The following ENAH variants were observed in gnomAD, a reference collection of about 807,000 sequenced individuals.
ENAH encodes ENAH actin regulator, also known as protein enabled homolog.
ENAH carries 23 observed loss-of-function variants against 78.7 expected under a neutral mutation model. That is an observed-to-expected ratio of 0.29 (90% CI 0.21 to 0.41). ENAH has a LOEUF of 0.41. Ranked by LOEUF, ENAH falls within the 10% of genes least tolerant of loss-of-function variation. The pLI is 1.00. For synonymous variants in ENAH, 226 were observed against 241.0 expected, an observed-to-expected ratio of 0.94 and a Z score of 0.58; for missense variants, 544 against 691.0, an observed-to-expected ratio of 0.79 and a Z score of 2.39.
chr1:225,513,424 G>C (rs549430648), intron 7 of ENAH, among the ~76,000 whole-genome samples: 2 of 151,960 alleles, frequency 1.3e-5, no homozygotes, highest in Middle Eastern at 6.8e-3. Flanking sequence ...TTGAGGAACT[G>C]TCATAAAGTA....
chr1:225,650,848 TAAAAAA>T (rs746549168), intron 1 of ENAH, among the ~76,000 whole-genome samples: 39 of 58,934 alleles, frequency 6.6e-4, no homozygotes, highest in African/African-American at 2.4e-3. Flanking sequence ...AGACTGCATT[TAAAAAA>T]AAAAAAAAAA....
chr1:225,557,334 T>C (rs2096672062), intron 2 of ENAH, among the ~76,000 whole-genome samples: 1 of 152,134 alleles, frequency 6.6e-6, no homozygotes, highest in Non-Finnish European at 1.5e-5. Flanking sequence ...TACATTAAGG[T>C]TTTTTCCTCT....
chr1:225,564,136 G>A lies in ENAH; in HGVS notation c.171+3113C>T, dbSNP rs185077902. 5.0e-3 allele frequency among the ~76,000 whole-genome samples: 762 copies of A among 151,184 alleles called. 32 individuals are homozygous for A. Among genetic ancestry groups the A allele is most frequent in the Admixed American group, 0.048 (721 of 15,148 alleles). ...AAGTTTTTTTTGTTTGTTTTTTTGA[G>A]ACATGGTCTTGTTCTGTCTCCCAGG... On this transcript the variant is annotated intron_variant, in intron 2 of 13. Transcript: ENST00000366843.
At chr1:225,646,288 T>A (rs557501388) in intron 1 of ENAH, among the ~76,000 whole-genome samples, 1 of 152,146 alleles carries the variant, frequency 6.6e-6, no homozygotes, top group Admixed American at 6.6e-5. Context: ...AGGAGGTAAC[T>A]AATGTTAAAT....
chr1:225,653,871 C>T (rs981317446), upstream of ENAH, among the ~76,000 whole-genome samples: 4 of 152,196 alleles, frequency 2.6e-5, no homozygotes, highest in Admixed American at 2.0e-4. This position sits in a 1 kb window ranked among gnomAD's most constrained non-coding sequence, Gnocchi z 4.3. Flanking sequence ...CCTTTTCTTC[C>T]CGAGGAATCC....
At chr1:225,634,075 A>AT (rs1659607356) in intron 1 of ENAH, among the ~76,000 whole-genome samples, 1 of 151,972 alleles carries the variant, frequency 6.6e-6, no homozygotes, top group Non-Finnish European at 1.5e-5. Flanking sequence ...TCAAAAGCTG[A>AT]TTTTTTTTCT....
At chr1:225,647,672 TC>T (rs1212480492) in intron 1 of ENAH, among the ~76,000 whole-genome samples, 1 of 152,186 alleles carries the variant, frequency 6.6e-6, no homozygotes, top group Non-Finnish European at 1.5e-5. Flanking sequence ...ACATTTAGTA[TC>T]CACCAAATAC....
At chr1:225,539,469 TGA>T (rs1167422751) in intron 3 of ENAH, among the ~76,000 whole-genome samples, 2 of 152,214 alleles carry the variant, frequency 1.3e-5, no homozygotes, top group East Asian at 1.9e-4. Context: ...GCTCAAAAAC[TGA>T]GAGACCACCA....
Position 225,492,229 on chromosome 1 carries a change from G to C in ENAH, c.*5546C>G, listed in dbSNP as rs561938196. The C allele has an allele frequency of 6.6e-6, 1 of 152,088 alleles. No homozygotes were observed. Among genetic ancestry groups the C allele is most frequent in the African/African-American group, 2.4e-5 (1 of 41,462 alleles). 9.4% of individuals were successfully genotyped at this position (152,088 alleles called of 1,614,324 possible). On this transcript the variant is annotated 3_prime_UTR_variant, in exon 14 of 14. Transcript: ENST00000366843. ...GTCTCCTGAGTAGCTGGGATTACAGGTGTGCACCACCATGCCTGGCCTAAA... is the reference window on the plus strand; with the variant it reads ...GTCTCCTGAGTAGCTGGGATTACAGCTGTGCACCACCATGCCTGGCCTAAA...
chr1:225,651,850 G>A (rs1332794695), intron 1 of ENAH, among the ~76,000 whole-genome samples: 1 of 151,950 alleles, frequency 6.6e-6, no homozygotes, highest in East Asian at 1.9e-4. Context: ...CACAATTTGA[G>A]AAACAATAAA....
At chr1:225,513,534 T>C (rs1029641410) in intron 7 of ENAH, among the ~76,000 whole-genome samples, 4 of 152,224 alleles carry the variant, frequency 2.6e-5, no homozygotes, top group Non-Finnish European at 5.9e-5. Flanking sequence ...ATTTGAATAA[T>C]ACATTTGTAG....
chr1:225,596,560 A>C (rs1306915331), intron 1 of ENAH, among the ~76,000 whole-genome samples: 1 of 152,240 alleles, frequency 6.6e-6, no homozygotes, highest in Non-Finnish European at 1.5e-5. Flanking sequence ...ACTCTGTTCA[A>C]GTTTAACTAT....
chr1:225,582,725 G>A (rs1398644593), intron 1 of ENAH, among the ~76,000 whole-genome samples: 1 of 152,128 alleles, frequency 6.6e-6, no homozygotes, highest in African/African-American at 2.4e-5. Context: ...TAAAAGAGCT[G>A]AACCAAAATA....
At chr1:225,559,998 C>G (rs938850256) in intron 2 of ENAH, among the ~76,000 whole-genome samples, 29 of 152,188 alleles carry the variant, frequency 1.9e-4, no homozygotes, top group African/African-American at 6.3e-4. Context: ...AGTGGGGAAG[C>G]AGGACTAGCC....
chr1:225,567,630 G>A (rs1320519667), intron 1 of ENAH, among the ~76,000 whole-genome samples: 1 of 152,070 alleles, frequency 6.6e-6, no homozygotes, highest in Non-Finnish European at 1.5e-5. Flanking sequence ...AGACCAAAAG[G>A]AGAGCAGGAT....
At chr1:225,562,775 C>T (rs2096714851) in intron 2 of ENAH, among the ~76,000 whole-genome samples, 1 of 151,746 alleles carries the variant, frequency 6.6e-6, no homozygotes. Context: ...ATTATAACAA[C>T]ATGTGCCCAC....
intron 1 of ENAH, among the ~76,000 whole-genome samples, chr1:225,644,258 T>A (rs1661564986): frequency 6.6e-6 from 1 of 152,050 alleles, no homozygotes; most frequent in Non-Finnish European, 1.5e-5. Flanking sequence ...AAAAGTAATT[T>A]AAAAAAATAC....
In ENAH at chr1:225,555,024, G is replaced by A. The variant is rs879601220; in HGVS notation, c.231C>T (p.Phe77=). ...GLKYNQATQT[F]HQWRDARQVY... is the part of the protein sequence containing the mutation. ...CCTGTCTAGCATCTCGCCACTGGTG[G>A]AAGGTCTGTGTAGCTTGATTGTACT... The change falls in exon 3 of 14, where the codon TTC becomes TTT. Residue 77 remains phenylalanine (F), a synonymous_variant. Coordinates refer to ENST00000366843, the MANE Select transcript of ENAH (RefSeq NM_018212.6). 4.4e-6 allele frequency: 7 copies of A among 1,607,500 alleles called. No homozygotes were observed. Among genetic ancestry groups the A allele is most frequent in the Non-Finnish European group, 6.0e-6 (7 of 1,174,812 alleles).
chr1:225,571,171 G>A (rs1253622228), intron 1 of ENAH, among the ~76,000 whole-genome samples: 1 of 151,720 alleles, frequency 6.6e-6, no homozygotes, highest in East Asian at 1.9e-4. Context: ...TTGAGGTCAG[G>A]AGACCAGCCT....
Sources: allele counts gnomAD v4.1 joint callset (sites outside exome capture counted in the v4.1 genomes callset), GRCh38; gene constraint gnomAD v4.1.1; non-coding constraint Gnocchi (gnomAD v3.1); transcripts MANE v1.5; gene names NCBI Gene and HGNC (gene_info 2026-07-23, HGNC 2026-07-21).